Variants in ADAMTSL1 observed in about 807,000 individuals in gnomAD.
The protein encoded by ADAMTSL1 is ADAMTS like 1, also known as ADAMTS-like protein 1.
A neutral mutation model predicts 201.8 loss-of-function variants in ADAMTSL1; 126 were observed. The observed-to-expected ratio is 0.62, with a 90% CI of 0.54 to 0.72. ADAMTSL1 has a LOEUF of 0.72. ADAMTSL1 is among the 30% of genes least tolerant of loss of function. The pLI is 0.00. For missense variants in ADAMTSL1, 2,679 were observed against 2,277.8 expected (o/e 1.18, Z -3.59); for synonymous variants, 1,121 against 903.4 (o/e 1.24, Z -4.32).
In ADAMTSL1 at chr9:18,278,780, G is replaced by A. The variant is rs144858583; in HGVS notation, c.207+114799G>A. On this transcript the variant is annotated intron_variant, in intron 2 of 29. Transcript: ENST00000680146. ...TCCTTTTTTGCTGATTCTCCTGGGA[G>A]TCTCATGCAAATTTTGACTTGCTTA... Among the ~76,000 whole-genome samples the A allele has an allele frequency of 4.9e-3, 751 of 152,200 alleles. 8 individuals carry two copies. The highest frequency in any genetic ancestry group is 0.017 in the African/African-American group (723 of 41,526).
At chr9:18,246,409 T>C (rs1395688769) in intron 2 of ADAMTSL1, among the ~76,000 whole-genome samples, 1 of 152,146 alleles carries the variant, frequency 6.6e-6, no homozygotes, top group Non-Finnish European at 1.5e-5. Context: ...TTTTAAAATA[T>C]GTTCATCTAT....
chr9:18,427,252 GT>G lies in ADAMTSL1; in HGVS notation c.208-77574del, dbSNP rs772768673. Among the ~76,000 whole-genome samples, 9 of 152,312 alleles carry G rather than the reference GT, an allele frequency of 5.9e-5. No homozygotes were observed. The East Asian group carries it at 1.5e-3, about 26-fold the overall frequency. ...ATCAGCTATAGTTAGAAAGATCCCAGTTTAGATTTGTACTAATCGACTTGCT... is the reference window on the plus strand; with the variant it reads ...ATCAGCTATAGTTAGAAAGATCCCAGTTAGATTTGTACTAATCGACTTGCT... On this transcript the variant is annotated intron_variant, in intron 2 of 29. Transcript: ENST00000680146.
intron 2 of ADAMTSL1, among the ~76,000 whole-genome samples, chr9:18,289,682 G>A (rs187798040): frequency 1.4e-3 from 215 of 152,318 alleles, no homozygotes; most frequent in Middle Eastern, 3.4e-3. Context: ...TGTTGAGGAG[G>A]AAAGGATGAC....
At chr9:18,321,665 C>T (rs982972745) in intron 2 of ADAMTSL1, among the ~76,000 whole-genome samples, 9 of 152,012 alleles carry the variant, frequency 5.9e-5, no homozygotes, top group Admixed American at 1.3e-4. Context: ...TGGCAACAGG[C>T]GCCTGTAGTC....
chr9:18,392,440 A>G (rs538289044), intron 2 of ADAMTSL1, among the ~76,000 whole-genome samples: 5 of 152,298 alleles, frequency 3.3e-5, no homozygotes, highest in African/African-American at 1.2e-4. Context: ...CTGCTCTCCA[A>G]TAAGCATCTC....
At chr9:18,541,414 G>A (rs1820136685) in intron 3 of ADAMTSL1, among the ~76,000 whole-genome samples, 1 of 152,018 alleles carries the variant, frequency 6.6e-6, no homozygotes, top group African/African-American at 2.4e-5. Flanking sequence ...GGAGGCTGAA[G>A]CAGGAGAATC....
intron 1 of ADAMTSL1, among the ~76,000 whole-genome samples, chr9:18,052,375 T>C (rs1475516076): frequency 6.6e-6 from 1 of 152,206 alleles, no homozygotes; most frequent in Non-Finnish European, 1.5e-5. Flanking sequence ...AAGGGTTTTC[T>C]GGGGTAGTGA....
intron 2 of ADAMTSL1, among the ~76,000 whole-genome samples, chr9:18,357,454 C>A (rs1477019867): frequency 6.6e-6 from 1 of 152,102 alleles, no homozygotes; most frequent in African/African-American, 2.4e-5. Context: ...TCCTAGAGGG[C>A]AGGGAGTTCT....
intron 1 of ADAMTSL1, among the ~76,000 whole-genome samples, chr9:18,149,048 G>C (rs1299443104): frequency 6.6e-6 from 1 of 151,996 alleles, no homozygotes; most frequent in African/African-American, 2.4e-5. Flanking sequence ...ATGGAGAACT[G>C]GGAATTTTTA....
intron 1 of ADAMTSL1, among the ~76,000 whole-genome samples, chr9:18,059,132 G>A (rs1822333881): frequency 6.6e-6 from 1 of 152,072 alleles, no homozygotes; most frequent in South Asian, 2.1e-4. Context: ...CAAATTCTGT[G>A]CTGCAATGAT....
intron 2 of ADAMTSL1, among the ~76,000 whole-genome samples, chr9:18,344,892 A>C (rs1835632095): frequency 6.6e-6 from 1 of 152,092 alleles, no homozygotes; most frequent in Non-Finnish European, 1.5e-5. Flanking sequence ...GGACCTTGGA[A>C]GCTCTTTCCT....
At chr9:18,840,397 C>G (rs1226751112) in intron 23 of ADAMTSL1, among the ~76,000 whole-genome samples, 1 of 152,092 alleles carries the variant, frequency 6.6e-6, no homozygotes, top group African/African-American at 2.4e-5. Context: ...TGATCTATAT[C>G]TCTGTTTTGG....
At chr9:17,935,826 C>T (rs1405570729) in intron 1 of ADAMTSL1, among the ~76,000 whole-genome samples, 1 of 152,320 alleles carries the variant, frequency 6.6e-6, no homozygotes, top group African/African-American at 2.4e-5. Context: ...TATCTACCTT[C>T]AGTCTCGTCT....
intron 2 of ADAMTSL1, among the ~76,000 whole-genome samples, chr9:18,300,228 T>C (rs570882961): frequency 2.0e-5 from 3 of 152,160 alleles, no homozygotes; most frequent in African/African-American, 4.8e-5. Flanking sequence ...CCATCAATGA[T>C]AGACTGGATT....
intron 2 of ADAMTSL1, among the ~76,000 whole-genome samples, chr9:18,343,565 T>G (rs10156465): frequency 6.6e-6 from 1 of 152,096 alleles, no homozygotes; most frequent in East Asian, 1.9e-4. Context: ...GTCAGTGCAA[T>G]TGAACTAAAA....
chr9:18,074,870 C>T (rs1038823419), intron 1 of ADAMTSL1, among the ~76,000 whole-genome samples: 10 of 152,152 alleles, frequency 6.6e-5, no homozygotes, highest in Admixed American at 2.6e-4. Context: ...GGATTACAAG[C>T]GTGAGCCATG....
intron 1 of ADAMTSL1, among the ~76,000 whole-genome samples, chr9:17,985,578 T>A (rs994908376): frequency 6.6e-6 from 1 of 152,104 alleles, no homozygotes; most frequent in Non-Finnish European, 1.5e-5. Flanking sequence ...TTGACTGAAA[T>A]GTAGAAACAT....
chr9:18,324,075 A>C (rs1030726019), intron 2 of ADAMTSL1, among the ~76,000 whole-genome samples: 11 of 152,214 alleles, frequency 7.2e-5, no homozygotes, highest in African/African-American at 2.4e-4. Flanking sequence ...CTGATTTCAA[A>C]ACTTAAGGTA....
At chr9:18,211,404 C>T (rs1829865530) in intron 2 of ADAMTSL1, among the ~76,000 whole-genome samples, 1 of 152,144 alleles carries the variant, frequency 6.6e-6, no homozygotes, top group South Asian at 2.1e-4. Flanking sequence ...TGAACAGCCA[C>T]CTACAATTTG....
Sources: gnomAD v4.1 joint callset for allele counts (sites outside exome capture counted in the v4.1 genomes callset) on GRCh38, gnomAD v4.1.1 for gene constraint, MANE v1.5 for transcripts, NCBI Gene and HGNC (gene_info 2026-07-23, HGNC 2026-07-21) for gene names.